The following WDFY4 variants were observed in gnomAD, a reference collection of about 807,000 sequenced individuals.
WDFY4 encodes the protein WD repeat- and FYVE domain-containing protein 4.
In WDFY4, 169 loss-of-function variants were observed where a neutral mutation model predicts 351.9. The observed-to-expected ratio is 0.48, with a 90% CI of 0.42 to 0.55. The LOEUF is 0.55. WDFY4 is among the 20% of genes least tolerant of loss of function. The pLI is 0.00. For missense variants in WDFY4, 3,803 were observed against 3,935.6 expected (o/e 0.97, Z 0.90); for synonymous variants, 1,622 against 1,574.6 (o/e 1.03, Z -0.71).
At chr10:48,867,672 A>C (rs2069599076) in intron 40 of WDFY4, among the ~76,000 whole-genome samples, 1 of 152,232 alleles carries the variant, frequency 6.6e-6, no homozygotes, top group Non-Finnish European at 1.5e-5. Context: ...AGCTGGAATA[A>C]GTCTTCCTAC....
At chr10:48,883,437 A>G (rs17011351) in intron 43 of WDFY4, among the ~76,000 whole-genome samples, 26,795 of 152,160 alleles carry the variant, frequency 0.18, 3,030 homozygotes, top group African/African-American at 0.32. Context: ...AGGCTGGTAC[A>G]ATTAGCCTAT....
At chr10:48,889,559 A>G (rs1471971444) in intron 43 of WDFY4, among the ~76,000 whole-genome samples, 2 of 152,124 alleles carry the variant, frequency 1.3e-5, no homozygotes. Context: ...GCACAAAATT[A>G]CCATGAGAAA....
chr10:48,857,486 A>T (rs964139559), intron 39 of WDFY4, among the ~76,000 whole-genome samples: 1 of 152,072 alleles, frequency 6.6e-6, no homozygotes, highest in Non-Finnish European at 1.5e-5. Flanking sequence ...CAACACGGGA[A>T]AAAAAAGGCA....
At chr10:48,873,788 A>G (rs2069881385) in intron 41 of WDFY4, 91 bp downstream of exon 41, 1 of 1,394,206 alleles carries the variant, frequency 7.2e-7, no homozygotes, top group African/African-American at 1.4e-5. Flanking sequence ...TGTTGTTTAT[A>G]TCAGGCTAAG....
intron 8 of WDFY4, 68 bp downstream of exon 8, chr10:48,729,657 C>A: frequency 1.3e-6 from 2 of 1,516,920 alleles, no homozygotes; most frequent in Non-Finnish European, 1.8e-6. Context: ...TACAGAGGGT[C>A]TTCTCCTGAT....
intron 60 of WDFY4, chr10:48,978,613 C>A: frequency 2.0e-6 from 1 of 510,464 alleles, no homozygotes; most frequent in Non-Finnish European, 3.5e-6. Flanking sequence ...CTCAGAATAA[C>A]CTAACCATAG....
chr10:48,802,478 A>G (rs2067117446), intron 24 of WDFY4, among the ~76,000 whole-genome samples: 1 of 152,194 alleles, frequency 6.6e-6, no homozygotes, highest in Admixed American at 6.5e-5. Context: ...CTGCTATATG[A>G]GTGCACGCTT....
intron 39 of WDFY4, among the ~76,000 whole-genome samples, chr10:48,836,660 T>A (rs967816156): frequency 1.3e-5 from 2 of 152,198 alleles, no homozygotes; most frequent in African/African-American, 4.8e-5. Flanking sequence ...CAGGGCTGAT[T>A]TGATAGATGT....
In WDFY4 at chr10:48,800,673, TC is replaced by T. The variant is rs2132830273; in HGVS notation, c.4411-2612del. The stretch of plus-strand genomic sequence containing the variant: ...GGCTTCTAAGTCTTAGGTTTTGGTT[TC>T]TTTCTTTCTTTCTTTCTTTCTTTCT... On this transcript the variant is annotated intron_variant, in intron 24 of 61. Coordinates refer to ENST00000325239, the MANE Select transcript of WDFY4 (RefSeq NM_001394531.1). 1.2e-4 allele frequency among the ~76,000 whole-genome samples: 6 copies of T among 48,916 alleles called. No homozygotes were observed. In the East Asian group the frequency reaches 0.01, roughly 86 times the overall value. 32.1% of individuals were successfully genotyped at this position (48,916 alleles called of 152,430 possible).
chr10:48,709,882 G>A lies in WDFY4; in HGVS notation c.150G>A (p.Lys50=). The A allele has an allele frequency of 1.3e-6, 2 of 1,552,042 alleles. No homozygotes were observed. The highest frequency in any genetic ancestry group is 1.7e-6 in the Non-Finnish European group (2 of 1,147,080). ...PTALWDMLER[K]FLEYQQLTHK... is the part of the protein sequence containing the mutation. Reference sequence around the variant, plus strand: ...CTCTCTGGGACATGCTGGAAAGGAAGTTTCTGGAATACCAGCAGTTGACTC... The same window carrying A: ...CTCTCTGGGACATGCTGGAAAGGAAATTTCTGGAATACCAGCAGTTGACTC... Residue 50 remains lysine (K), a synonymous_variant, in exon 2 of 62, where the codon AAG becomes AAA. Transcript: ENST00000325239.
intron 47 of WDFY4, 78 bp from the exon 48 acceptor site, chr10:48,941,728 C>T: frequency 6.7e-7 from 1 of 1,483,582 alleles, no homozygotes; most frequent in Non-Finnish European, 9.2e-7. Flanking sequence ...CCGTGAAGCC[C>T]AGGCAAGCCC....
intron 39 of WDFY4, among the ~76,000 whole-genome samples, chr10:48,865,251 A>T (rs573510475): frequency 1.1e-4 from 16 of 152,190 alleles, no homozygotes; most frequent in African/African-American, 3.9e-4. Flanking sequence ...TTCCCCACCC[A>T]GTTGGTTGAC....
intron 12 of WDFY4, among the ~76,000 whole-genome samples, chr10:48,757,360 T>C (rs1021235983): frequency 6.6e-6 from 1 of 152,144 alleles, no homozygotes; most frequent in Non-Finnish European, 1.5e-5. Flanking sequence ...TTAATCATCA[T>C]ATCATATAAT....
rs115706447 is a variant in WDFY4 at position 48,774,604 on chromosome 10, C to T, written c.2700C>T (p.Pro900=). The change falls in exon 14 of 62, where the codon CCC becomes CCT. Residue 900 remains proline (P), a synonymous_variant. Transcript: ENST00000325239. ...GGGCCCTGGTCACCAGTGGCAGCCC[C>T]CTCCACTCACGCCTCATCAGGATCT... ...CHRALVTSGS[P]LHSRLIRIFE... 1.7e-3 allele frequency: 2,662 copies of T among 1,551,744 alleles called. 44 individuals carry two copies. In the African/African-American group the frequency reaches 0.031, roughly 18 times the overall value.
At chr10:48,945,037 C>A (rs1424828207) in intron 49 of WDFY4, among the ~76,000 whole-genome samples, 1 of 152,088 alleles carries the variant, frequency 6.6e-6, no homozygotes, top group Non-Finnish European at 1.5e-5. Context: ...GATAGTGACA[C>A]ACTTGGCCCC....
intron 47 of WDFY4, among the ~76,000 whole-genome samples, chr10:48,923,130 C>T (rs536785718): frequency 2.7e-4 from 41 of 152,258 alleles, no homozygotes; most frequent in African/African-American, 9.1e-4. Flanking sequence ...TGGCTTGTCC[C>T]ACGTTGGAAG....
chr10:48,946,773 C>A (rs1303921105), intron 50 of WDFY4, 87 bp from the exon 51 acceptor site: 1 of 944,014 alleles, frequency 1.1e-6, no homozygotes, highest in South Asian at 1.5e-5. Context: ...GTTTTTAATG[C>A]CGTTCATGAA....
chr10:48,794,189 A>T (rs1422418434), intron 23 of WDFY4, among the ~76,000 whole-genome samples: 1 of 152,172 alleles, frequency 6.6e-6, no homozygotes, highest in East Asian at 1.9e-4. Flanking sequence ...GGACTGACAG[A>T]GGTGTTAGAA....
At chr10:48,946,210 A>C in intron 50 of WDFY4, 53 bp downstream of exon 50, 1 of 1,345,440 alleles carries the variant, frequency 7.4e-7, no homozygotes, top group Non-Finnish European at 1.0e-6. Context: ...GGGATGCCCT[A>C]AAATGATAGT....
Sources: allele counts gnomAD v4.1 joint callset (sites outside exome capture counted in the v4.1 genomes callset), GRCh38; gene constraint gnomAD v4.1.1; transcripts MANE v1.5; gene names NCBI Gene and HGNC (gene_info 2026-07-23, HGNC 2026-07-21).